The following ANKRD55 variants were observed in gnomAD, a reference collection of about 807,000 sequenced individuals.
ANKRD55 encodes ankyrin repeat domain 55, also known as ankyrin repeat domain-containing protein 55.
A neutral mutation model predicts 60.6 loss-of-function variants in ANKRD55; 41 were observed. That is an observed-to-expected ratio of 0.68 (90% confidence interval 0.53 to 0.88). ANKRD55 has a LOEUF of 0.88. Ranked by LOEUF, ANKRD55 falls within the 40% of genes least tolerant of loss-of-function variation. The pLI is 0.00. For missense variants in ANKRD55, 732 were observed against 767.6 expected (o/e 0.95, Z 0.55); for synonymous variants, 264 against 290.3 (o/e 0.91, Z 0.92).
At chr5:56,144,406 T>G (rs530312768) in intron 6 of ANKRD55, among the ~76,000 whole-genome samples, 1 of 152,014 alleles carries the variant, frequency 6.6e-6, no homozygotes, top group Admixed American at 6.6e-5. Flanking sequence ...GTGACTGGAG[T>G]GCAATCCCCC....
At chr5:56,192,545 G>C (rs976305167) in intron 2 of ANKRD55, 1 of 368,320 alleles carries the variant, frequency 2.7e-6, no homozygotes, top group South Asian at 3.5e-5. Context: ...TACACTTTCC[G>C]AGATGGCCTC....
At chr5:56,226,268 T>G (rs2111897107) in intron 2 of ANKRD55, among the ~76,000 whole-genome samples, 2 of 152,322 alleles carry the variant, frequency 1.3e-5, no homozygotes, top group Admixed American at 1.3e-4. Context: ...CTGGGAAAAC[T>G]GGCTAGCCAT....
chr5:56,135,299 CTTTCT>C (rs1561264021), intron 7 of ANKRD55, among the ~76,000 whole-genome samples: 5 of 4,720 alleles, frequency 1.1e-3, no homozygotes, highest in East Asian at 5.9e-3. Flanking sequence ...TGCTTGCTTT[CTTTCT>C]TTCTTTCTTT....
intron 2 of ANKRD55, among the ~76,000 whole-genome samples, chr5:56,214,418 T>C (rs1301815227): frequency 6.6e-6 from 1 of 152,242 alleles, no homozygotes; most frequent in Non-Finnish European, 1.5e-5. Context: ...CATTACTTCA[T>C]TAAATCTTTA....
intron 6 of ANKRD55, 42 bp downstream of exon 6, chr5:56,159,791 C>T (rs367543785): frequency 1.9e-6 from 3 of 1,600,214 alleles, no homozygotes; most frequent in African/African-American, 2.7e-5. Flanking sequence ...CTTTCACCCT[C>T]ACATGCAAAA....
chr5:56,215,104 G>C (rs1759771056), intron 2 of ANKRD55, among the ~76,000 whole-genome samples: 1 of 151,894 alleles, frequency 6.6e-6, no homozygotes, highest in Non-Finnish European at 1.5e-5. Context: ...TTAATCAACT[G>C]TTGTTTTTGT....
chr5:56,135,340 TTTCTTTCTTTCTTTCTTTCTTTCTTTCC>T lies in ANKRD55; in HGVS notation c.613-8262_613-8235del, dbSNP rs1757558466. On this transcript the variant is annotated intron_variant, in intron 7 of 11. Transcript: ENST00000341048. ...CTTTCTTTCTTTCTTTCTTTCTTTCTTTCTTTCTTTCTTTCTTTCTTTCTTTCCTTCTTTCTTTCTTTCTTTCTTGACA... is the reference window on the plus strand; with the variant it reads ...CTTTCTTTCTTTCTTTCTTTCTTTCTTTCTTTCTTTCTTTCTTTCTTGACA... Among the ~76,000 whole-genome samples, 3 of 20,088 alleles carry T rather than the reference TTTCTTTCTTTCTTTCTTTCTTTCTTTCC, an allele frequency of 1.5e-4. No individual in the cohort carries two copies. The South Asian group carries it at 4.3e-3, about 29-fold the overall frequency. The allele number at this position is 20,088 out of a possible 152,430, so 13.2% of individuals were successfully genotyped here. A position where few individuals can be genotyped will look rare whatever the true frequency, so the allele number is the denominator to read the frequency against.
At chr5:56,102,420 C>A in intron 11 of ANKRD55, 74 bp downstream of exon 11, 8 of 1,080,980 alleles carry the variant, frequency 7.4e-6, no homozygotes, top group Admixed American at 2.4e-5. Flanking sequence ...TGAAAGTAAA[C>A]GGAAATAACA....
intron 2 of ANKRD55, among the ~76,000 whole-genome samples, chr5:56,210,560 CAAAAAAAAAAAAAA>C (rs59566826): frequency 1.5e-5 from 1 of 65,158 alleles, no homozygotes; most frequent in African/African-American, 5.1e-5. Context: ...GACTACGTCT[CAAAAAAAAAAAAAA>C]AAAAAAAAAA....
intron 10 of ANKRD55, among the ~76,000 whole-genome samples, chr5:56,108,966 G>A (rs564683307): frequency 6.6e-6 from 1 of 151,996 alleles, no homozygotes; most frequent in South Asian, 2.1e-4. Flanking sequence ...GAACCCAGGA[G>A]GCGGATGTTG....
intron 5 of ANKRD55, among the ~76,000 whole-genome samples, chr5:56,167,791 C>G (rs915560997): frequency 3.3e-5 from 5 of 152,140 alleles, no homozygotes; most frequent in African/African-American, 1.2e-4. Flanking sequence ...GTTATAGCAA[C>G]TTAATGTAGA....
At chr5:56,141,028 A>G (rs1233029746) in intron 7 of ANKRD55, among the ~76,000 whole-genome samples, 1 of 151,666 alleles carries the variant, frequency 6.6e-6, no homozygotes, top group Non-Finnish European at 1.5e-5. Context: ...GCACCATTGC[A>G]CTCCAACCTG....
At chr5:56,179,822 T>A (rs1758817175) in intron 3 of ANKRD55, among the ~76,000 whole-genome samples, 1 of 152,200 alleles carries the variant, frequency 6.6e-6, no homozygotes, top group Non-Finnish European at 1.5e-5. Context: ...ACAGTAAGGT[T>A]ATGAAATTCC....
intron 3 of ANKRD55, among the ~76,000 whole-genome samples, chr5:56,182,338 C>A (rs964558408): frequency 1.3e-5 from 2 of 152,178 alleles, no homozygotes; most frequent in African/African-American, 4.8e-5. Context: ...AAGTTCATTA[C>A]TTCTTTCCTT....
chr5:56,125,237 A>G (rs1291486), intron 8 of ANKRD55, among the ~76,000 whole-genome samples: 13,552 of 151,944 alleles, frequency 0.089, 930 homozygotes, highest in East Asian at 0.3. Context: ...TTACTTGCTT[A>G]GGATCAACAT....
intron 2 of ANKRD55, among the ~76,000 whole-genome samples, chr5:56,201,293 G>C (rs1226049452): frequency 6.6e-6 from 1 of 152,146 alleles, no homozygotes; most frequent in Non-Finnish European, 1.5e-5. Context: ...ATGGCTTCAT[G>C]GGACAACATT....
At position 56,122,481 on chromosome 5, in the gene ANKRD55, A is replaced by G. The variant is rs115355946; in HGVS notation, c.797+4441T>C. Reference sequence around the variant, plus strand: ...GTCTGGCCAACATGGTGAAACCCCTAATCTACTAAAAAAAAAACAAACCCA... The same window carrying G: ...GTCTGGCCAACATGGTGAAACCCCTGATCTACTAAAAAAAAAACAAACCCA... On this transcript the variant is annotated intron_variant, in intron 8 of 11. Transcript: ENST00000341048. Among the ~76,000 whole-genome samples, 439 of 151,550 alleles carry G rather than the reference A, an allele frequency of 2.9e-3. 1 individual carries two copies. Among genetic ancestry groups the G allele is most frequent in the African/African-American group, 1.0e-2 (413 of 41,366 alleles).
chr5:56,229,897 A>G (rs1760207607), intron 2 of ANKRD55, among the ~76,000 whole-genome samples: 1 of 150,374 alleles, frequency 6.7e-6, no homozygotes, highest in Non-Finnish European at 1.5e-5. Context: ...ATTATTAGGA[A>G]GGACCCAACT....
rs534243870 is a variant in ANKRD55 at position 56,104,267 on chromosome 5, C to T, written c.1631-1681G>A. 1.3e-3 allele frequency among the ~76,000 whole-genome samples: 192 copies of T among 152,278 alleles called. 7 individuals are homozygous for T. In the South Asian group the frequency reaches 0.039, roughly 31 times the overall value. On this transcript the variant is annotated intron_variant, in intron 10 of 11. Coordinates refer to ENST00000341048, the MANE Select transcript of ANKRD55 (RefSeq NM_024669.3). ...GTGAGATACATTCTATTATCATCCT[C>T]ATTTTACAAATGAGGACCTTGTGAC... is the stretch of plus-strand genomic sequence containing the variant.
Sources: gnomAD v4.1 joint callset for allele counts (sites outside exome capture counted in the v4.1 genomes callset) on GRCh38, gnomAD v4.1.1 for gene constraint, MANE v1.5 for transcripts, NCBI Gene and HGNC (gene_info 2026-07-23, HGNC 2026-07-21) for gene names.